The following SCN1A variants were observed in gnomAD, a reference collection of about 807,000 sequenced individuals.
SCN1A encodes sodium voltage-gated channel alpha subunit 1, also known as sodium channel protein type 1 subunit alpha.
SCN1A carries 13 observed loss-of-function variants against 193.7 expected under a neutral mutation model. The ratio of observed to expected loss-of-function variants is 0.07; its 90% confidence interval spans 0.04 to 0.11. The LOEUF is 0.11. SCN1A is among the 10% of genes least tolerant of loss of function. The probability of loss-of-function intolerance (pLI) is 1.00; values close to 1 mark genes in which losing one functional copy is unlikely to be tolerated. For synonymous variants in SCN1A, 781 were observed against 843.6 expected, an observed-to-expected ratio of 0.93 and a Z score of 1.29; for missense variants, 1,432 against 2,451.1, an observed-to-expected ratio of 0.58 and a Z score of 8.78.
chr2:166,085,333 G>A (rs536835930), intron 2 of SCN1A, among the ~76,000 whole-genome samples: 28 of 152,126 alleles, frequency 1.8e-4, no homozygotes, highest in Non-Finnish European at 2.6e-4. Context: ...GTTAGCTCAG[G>A]GTGTGAAATG....
At chr2:166,143,141 A>C (rs1692161445) in intron 1 of SCN1A, among the ~76,000 whole-genome samples, 1 of 151,834 alleles carries the variant, frequency 6.6e-6, no homozygotes, top group Non-Finnish European at 1.5e-5. Context: ...ACAAAACAAG[A>C]AAGATTTATT....
At position 165,990,909 on chromosome 2, in the gene SCN1A, A is replaced by G. The variant is rs1689039768; in HGVS notation, c.*336T>C. 2 of 264,258 alleles carry G rather than the reference A, an allele frequency of 7.6e-6. No individual in the cohort carries two copies. The highest frequency in any genetic ancestry group is 6.4e-5 in the South Asian group (1 of 15,592). The allele number at this position is 264,258 out of a possible 1,614,324, so 16.4% of individuals were successfully genotyped here. ...AATGCAAACAGTGGATACAATTACT[A>G]CACTAAAGTGTTTCATGTTAAACAA... On this transcript the variant is annotated 3_prime_UTR_variant, in exon 29 of 29. Transcript: ENST00000674923.
chr2:166,064,876 C>A (rs1683676570), intron 4 of SCN1A, among the ~76,000 whole-genome samples: 1 of 152,096 alleles, frequency 6.6e-6, no homozygotes, highest in African/African-American at 2.4e-5. Context: ...GGAAGGTGAG[C>A]TATGATGATG....
At chr2:166,008,936 A>G (rs2105562073) in intron 23 of SCN1A, among the ~76,000 whole-genome samples, 1 of 151,130 alleles carries the variant, frequency 6.6e-6, no homozygotes, top group South Asian at 2.1e-4. Flanking sequence ...AAAATAAGTC[A>G]ATAATGGCAA....
chr2:166,080,424 A>T (rs1685394070), intron 2 of SCN1A, among the ~76,000 whole-genome samples: 1 of 151,874 alleles, frequency 6.6e-6, no homozygotes, highest in Admixed American at 6.6e-5. Flanking sequence ...ACAAAATAAA[A>T]TTAAGAAGAG....
chr2:166,011,983 A>G, intron 22 of SCN1A, 126 bp downstream of exon 22: 1 of 797,320 alleles, frequency 1.3e-6, no homozygotes. Context: ...CTCATTGCAT[A>G]TATGCGTTTA....
At chr2:166,024,962 A>G (rs1256327283) in intron 19 of SCN1A, among the ~76,000 whole-genome samples, 2 of 152,112 alleles carry the variant, frequency 1.3e-5, no homozygotes, top group East Asian at 3.9e-4. Context: ...TCTTTTGCCT[A>G]TTTTTCTATT....
chr2:166,126,828 A>T (rs922113257), intron 2 of SCN1A, 96 bp downstream of exon 2: 6 of 152,262 alleles, frequency 3.9e-5, no homozygotes, highest in Non-Finnish European at 7.3e-5. Context: ...CCACCACTCC[A>T]GACCGATTTG....
chr2:166,039,376 T>C (rs746595514), intron 17 of SCN1A, 47 bp downstream of exon 17: 21 of 1,585,952 alleles, frequency 1.3e-5, no homozygotes, highest in Non-Finnish European at 1.8e-5. Flanking sequence ...AGAACCCTGA[T>C]TGTTAGAAAG....
intron 20 of SCN1A, among the ~76,000 whole-genome samples, chr2:166,014,196 C>A (rs1264491857): frequency 6.6e-6 from 1 of 151,610 alleles, no homozygotes; most frequent in Non-Finnish European, 1.5e-5. Flanking sequence ...TGTACCATAT[C>A]ATCCTGTTGC....
chr2:166,122,607 A>G (rs1008162663), intron 2 of SCN1A, among the ~76,000 whole-genome samples: 3 of 152,206 alleles, frequency 2.0e-5, no homozygotes, highest in African/African-American at 7.2e-5. Flanking sequence ...AACAATGTTA[A>G]TAAGACAATT....
intron 4 of SCN1A, among the ~76,000 whole-genome samples, chr2:166,064,608 T>G (rs1683648695): frequency 6.6e-6 from 1 of 152,144 alleles, no homozygotes; most frequent in African/African-American, 2.4e-5. Flanking sequence ...TGTTTACAAT[T>G]TTTTCCCAGG....
rs961601558 is a variant in SCN1A, at chr2:165,986,175, G to A, written c.*5070C>T. 4 of 152,200 alleles carry A rather than the reference G, an allele frequency of 2.6e-5. No individual in the cohort carries two copies. The highest frequency in any genetic ancestry group is 9.6e-5 in the African/African-American group (4 of 41,542). 9.4% of individuals were successfully genotyped at this position (152,200 alleles called of 1,614,324 possible). On this transcript the variant is annotated 3_prime_UTR_variant, in exon 29 of 29. Transcript: ENST00000674923. Reference sequence around the variant, plus strand: ...AAACATTAAATGGTATTAGTCTTTAGAAAATAATCTAAAAGATACAATTTC... The same window carrying A: ...AAACATTAAATGGTATTAGTCTTTAAAAAATAATCTAAAAGATACAATTTC...
intron 2 of SCN1A, among the ~76,000 whole-genome samples, chr2:166,104,749 TA>T (rs1274870044): frequency 1.3e-5 from 2 of 152,020 alleles, no homozygotes; most frequent in Admixed American, 6.6e-5. Context: ...CTCAAAAAAA[TA>T]AAAAAATTAA....
At chr2:166,107,358 A>G (rs921408486) in intron 2 of SCN1A, among the ~76,000 whole-genome samples, 2 of 152,164 alleles carry the variant, frequency 1.3e-5, no homozygotes, top group Admixed American at 1.3e-4. Context: ...TACTTTACCC[A>G]TAACAGTCAC....
At chr2:166,033,448 A>G (rs1695897558) in intron 19 of SCN1A, among the ~76,000 whole-genome samples, 1 of 125,500 alleles carries the variant, frequency 8.0e-6, no homozygotes, top group Non-Finnish European at 1.6e-5. Context: ...GCAGTAGCTC[A>G]CACCTGTAAT....
intron 19 of SCN1A, 171 bp from the exon 20 acceptor site, chr2:166,015,898 G>T: frequency 2.9e-6 from 2 of 685,156 alleles, no homozygotes; most frequent in Non-Finnish European, 4.8e-6. Context: ...CATTGTCTGT[G>T]CTAACCCTTT....
At chr2:166,051,600 C>A in intron 9 of SCN1A, 119 bp downstream of exon 9, 1 of 730,142 alleles carries the variant, frequency 1.4e-6, no homozygotes. Flanking sequence ...TACAGGCCTG[C>A]AATGTGTGCT....
At chr2:166,018,892 G>A (rs1284559256) in intron 19 of SCN1A, among the ~76,000 whole-genome samples, 1 of 152,000 alleles carries the variant, frequency 6.6e-6, no homozygotes, top group African/African-American at 2.4e-5. Flanking sequence ...AGAATGTAGT[G>A]GATATTAATA....
Sources: gnomAD v4.1 joint callset for allele counts (sites outside exome capture counted in the v4.1 genomes callset) on GRCh38, gnomAD v4.1.1 for gene constraint, MANE v1.5 for transcripts, NCBI Gene and HGNC (gene_info 2026-07-23, HGNC 2026-07-21) for gene names.